Variants in RNF43 observed in about 807,000 individuals in gnomAD.
RNF43 encodes the protein ring finger protein 43.
RNF43 carries 37 observed loss-of-function variants against 78.4 expected under a neutral mutation model. That is an observed-to-expected ratio of 0.47 (90% CI 0.36 to 0.62). RNF43 has a LOEUF of 0.62. Ranked by LOEUF, RNF43 falls within the 20% of genes least tolerant of loss-of-function variation. The pLI is 0.00. For synonymous variants in RNF43, 347 were observed against 395.0 expected (o/e 0.88, Z 1.44); for missense variants, 774 against 1,007.9 (o/e 0.77, Z 3.14).
Position 58,415,661 on chromosome 17 carries a change from A to C in RNF43, c.-84T>G. 3 of 1,473,016 alleles carry C rather than the reference A, an allele frequency of 2.0e-6. No individual in the cohort carries two copies. Among genetic ancestry groups the C allele is most frequent in the African/African-American group, 1.4e-5 (1 of 71,942 alleles). The allele number at this position is 1,473,016 out of a possible 1,614,324, so 91.2% of individuals were successfully genotyped here. ...AATGCAGGTTCTCAGATCCAGACAA[A>C]TGGAGGAAAAGAACATTTATGCTTC... is the stretch of plus-strand genomic sequence containing the variant. On this transcript the variant is annotated 5_prime_UTR_variant, in exon 2 of 10. Coordinates refer to ENST00000407977, the MANE Select transcript of RNF43 (RefSeq NM_017763.6).
chr17:58,372,433 C>T (rs1227540951), intron 2 of RNF43, among the ~76,000 whole-genome samples: 1 of 152,120 alleles, frequency 6.6e-6, no homozygotes, highest in Admixed American at 6.5e-5. Context: ...GTGCCCCTGC[C>T]CCAAGAAAAA....
At chr17:58,356,886 C>CT (rs150378896) in intron 9 of RNF43, 2,521 of 144,144 alleles carry the variant, frequency 0.017, 106 homozygotes, top group African/African-American at 0.027. Flanking sequence ...CCAAATGCCT[C>CT]TTTTTTTTTT....
Position 58,408,458 on chromosome 17 carries a change from G to A in RNF43, c.252+6868C>T, listed in dbSNP as rs539360606. Among the ~76,000 whole-genome samples, 13 of 152,228 alleles carry A rather than the reference G, an allele frequency of 8.5e-5. No homozygotes were observed. The East Asian group carries it at 1.9e-3, about 23-fold the overall frequency. ...AGAAGGTAAGGTCCTTTGGATGCAC[G>A]CTAATATCCTAAAATCAAAGGTTTA... is the stretch of plus-strand genomic sequence containing the variant. On this transcript the variant is annotated intron_variant, in intron 2 of 9. Transcript: ENST00000407977.
chr17:58,356,547 G>T (rs1240070884), intron 9 of RNF43, among the ~76,000 whole-genome samples: 1 of 152,144 alleles, frequency 6.6e-6, no homozygotes, highest in African/African-American at 2.4e-5. Context: ...AGAAATTAAG[G>T]TCAGTCTTAT....
chr17:58,369,087 ACACACG>A (rs1567879635), intron 3 of RNF43, among the ~76,000 whole-genome samples: 2 of 151,164 alleles, frequency 1.3e-5, no homozygotes, highest in African/African-American at 4.9e-5. Flanking sequence ...ACACACACAC[ACACACG>A]CACACACACA....
At chr17:58,399,325 GA>G (rs1469540270) in intron 2 of RNF43, among the ~76,000 whole-genome samples, 1 of 152,256 alleles carries the variant, frequency 6.6e-6, no homozygotes, top group East Asian at 1.9e-4. Context: ...GTCTTTACCT[GA>G]AAATTTTTTC....
At chr17:58,395,784 A>G (rs1973667004) in intron 2 of RNF43, among the ~76,000 whole-genome samples, 1 of 152,226 alleles carries the variant, frequency 6.6e-6, no homozygotes, top group Non-Finnish European at 1.5e-5. Context: ...CATTTTATCA[A>G]CATATTACAA....
At chr17:58,395,936 G>A (rs1185977396) in intron 2 of RNF43, among the ~76,000 whole-genome samples, 2 of 152,046 alleles carry the variant, frequency 1.3e-5, no homozygotes, top group Non-Finnish European at 2.9e-5. Flanking sequence ...GGGGTAAAAG[G>A]ATCTTTTTCT....
chr17:58,413,617 G>C, intron 2 of RNF43, among the ~76,000 whole-genome samples: 1 of 152,154 alleles, frequency 6.6e-6, no homozygotes, highest in East Asian at 1.9e-4. Flanking sequence ...AGATTGGTAA[G>C]ATTTGCCAGA....
At chr17:58,394,377 G>A (rs1334810814) in intron 2 of RNF43, among the ~76,000 whole-genome samples, 1 of 152,076 alleles carries the variant, frequency 6.6e-6, no homozygotes, top group Non-Finnish European at 1.5e-5. Context: ...ACATGTCTTC[G>A]GCTTATCTAT....
At chr17:58,402,374 A>C (rs1973821874) in intron 2 of RNF43, among the ~76,000 whole-genome samples, 2 of 152,222 alleles carry the variant, frequency 1.3e-5, no homozygotes, top group South Asian at 4.1e-4. Context: ...ACCAAGATAA[A>C]ATAACAAGAA....
intron 2 of RNF43, among the ~76,000 whole-genome samples, chr17:58,400,812 T>C (rs1371003699): frequency 6.6e-6 from 1 of 152,272 alleles, no homozygotes; most frequent in Non-Finnish European, 1.5e-5. Context: ...GTGATAGAAA[T>C]TATGTTCTTA....
chr17:58,366,519 G>T (rs1474809193), intron 3 of RNF43, among the ~76,000 whole-genome samples: 1 of 152,236 alleles, frequency 6.6e-6, no homozygotes, highest in Non-Finnish European at 1.5e-5. Context: ...GCAAAGGTGG[G>T]ATTCCTCTGG....
chr17:58,359,518 G>T (rs1972782131), intron 8 of RNF43, among the ~76,000 whole-genome samples: 1 of 151,294 alleles, frequency 6.6e-6, no homozygotes. Flanking sequence ...GCAGGAGAAT[G>T]GCGTGAACCT....
intron 3 of RNF43, among the ~76,000 whole-genome samples, 188 bp from the exon 4 acceptor site, chr17:58,363,788 C>T (rs1357891733): frequency 6.6e-6 from 1 of 152,224 alleles, no homozygotes; most frequent in Non-Finnish European, 1.5e-5. Context: ...CCTGAGCTCA[C>T]TCAGGTCCCC....
At chr17:58,363,635 C>T (rs2143475233) in intron 3 of RNF43, 35 bp from the exon 4 acceptor site, 1 of 1,577,358 alleles carries the variant, frequency 6.3e-7, no homozygotes, top group South Asian at 1.1e-5. Context: ...GGGCTGAGGT[C>T]AGGGAAGGAC....
intron 2 of RNF43, among the ~76,000 whole-genome samples, chr17:58,391,073 T>C (rs1973546901): frequency 6.6e-6 from 1 of 152,196 alleles, no homozygotes; most frequent in Non-Finnish European, 1.5e-5. Context: ...TCAGGCCCTC[T>C]CCAGGGCCCA....
intron 2 of RNF43, among the ~76,000 whole-genome samples, chr17:58,386,740 CTCT>C (rs923257878): frequency 2.0e-5 from 3 of 152,156 alleles, no homozygotes; most frequent in East Asian, 3.8e-4. Flanking sequence ...CATGAAGAAT[CTCT>C]TCTTCTTCAT....
intron 3 of RNF43, among the ~76,000 whole-genome samples, chr17:58,365,879 G>C (rs893409371): frequency 6.6e-6 from 1 of 152,186 alleles, no homozygotes; most frequent in African/African-American, 2.4e-5. Flanking sequence ...AGCAGGCAAG[G>C]CTGCCACAGC....
Sources: allele counts gnomAD v4.1 joint callset (sites outside exome capture counted in the v4.1 genomes callset), GRCh38; gene constraint gnomAD v4.1.1; transcripts MANE v1.5; gene names NCBI Gene and HGNC (gene_info 2026-07-23, HGNC 2026-07-21).